Variants in GUCY1B1 observed in about 807,000 individuals in gnomAD.
The protein encoded by GUCY1B1 is guanylate cyclase 1 soluble subunit beta 1.
GUCY1B1 carries 43 observed loss-of-function variants against 71.0 expected under a neutral mutation model. That is an observed-to-expected ratio of 0.61 (90% CI 0.47 to 0.78). The LOEUF (loss-of-function observed/expected upper bound fraction) is 0.78. Ranked by LOEUF, GUCY1B1 falls within the 30% of genes least tolerant of loss-of-function variation. GUCY1B1 has a pLI of 0.00. For synonymous variants in GUCY1B1, 266 were observed against 259.7 expected (o/e 1.02, Z -0.23); for missense variants, 535 against 754.1 (o/e 0.71, Z 3.40).
At chr4:155,801,686 C>A (rs1487976375) in intron 9 of GUCY1B1, among the ~76,000 whole-genome samples, 1 of 152,184 alleles carries the variant, frequency 6.6e-6, no homozygotes, top group Admixed American at 6.5e-5. Context: ...CTGCTTCTTT[C>A]CCTCTAAATT....
Position 155,802,346 on chromosome 4 carries a change from C to T in GUCY1B1, c.1180C>T (p.Leu394=), listed in dbSNP as rs1443167071. ...TCTGCTGATCCCACTGAACAGATTG[C>T]TGTATTCTGTCCTTCCTCCGTCTGT... ...EDEKKKTDTL[L]YSVLPPSVAN... The change falls in exon 10 of 14, where the codon CTG becomes TTG. Residue 394 remains leucine (L), a synonymous_variant. Transcript: ENST00000264424. The surrounding 1 kb of genome is among the most constrained non-coding windows in gnomAD (Gnocchi z 4.3). 2 of 1,613,784 alleles carry T rather than the reference C, an allele frequency of 1.2e-6. No individual in the cohort carries two copies. Among genetic ancestry groups the T allele is most frequent in the South Asian group, 2.2e-5 (2 of 91,088 alleles).
At chr4:155,797,064 A>G (rs1328584888) in intron 8 of GUCY1B1, among the ~76,000 whole-genome samples, 1 of 152,212 alleles carries the variant, frequency 6.6e-6, no homozygotes, top group Non-Finnish European at 1.5e-5. Flanking sequence ...TCAGAGAAAA[A>G]TAAAACTATA....
chr4:155,794,364 T>G (rs1458468398), intron 6 of GUCY1B1, among the ~76,000 whole-genome samples: 2 of 152,290 alleles, frequency 1.3e-5, no homozygotes, highest in East Asian at 1.9e-4. Flanking sequence ...ATGGGTAACT[T>G]TTTAGTAACA....
intron 2 of GUCY1B1, chr4:155,772,872 T>C: frequency 1.4e-6 from 1 of 691,632 alleles, no homozygotes; most frequent in Admixed American, 2.0e-5. Context: ...AAATAAATTA[T>C]AAGCTCTGAA....
intron 5 of GUCY1B1, among the ~76,000 whole-genome samples, chr4:155,792,010 A>G (rs1386672965): frequency 6.6e-6 from 1 of 152,186 alleles, no homozygotes; most frequent in African/African-American, 2.4e-5. Context: ...ACTTAATTAT[A>G]TGGTTCACTT....
At chr4:155,793,402 T>C (rs1579241025) in intron 5 of GUCY1B1, among the ~76,000 whole-genome samples, 1 of 152,176 alleles carries the variant, frequency 6.6e-6, no homozygotes, top group East Asian at 1.9e-4. Flanking sequence ...ATGTATTTGA[T>C]AGTTGATGGT....
intron 11 of GUCY1B1, 27 bp from the exon 12 acceptor site, chr4:155,804,566 A>G: frequency 6.3e-7 from 1 of 1,576,284 alleles, no homozygotes; most frequent in Non-Finnish European, 8.6e-7. Context: ...GATCAAAATG[A>G]TTGAAGCAAA....
chr4:155,777,669 A>C (rs746090680), intron 4 of GUCY1B1, 27 bp downstream of exon 4: 1 of 1,086,928 alleles, frequency 9.2e-7, no homozygotes, highest in South Asian at 1.2e-5. Context: ...CCTATAGTTA[A>C]AAGTTCTGTG....
chr4:155,806,292 A>T, intron 13 of GUCY1B1, 94 bp from the exon 14 acceptor site: 3 of 774,356 alleles, frequency 3.9e-6, no homozygotes, highest in Non-Finnish European at 6.6e-6. Flanking sequence ...GTGAACGTGG[A>T]TCACACTCTC....
intron 6 of GUCY1B1, 81 bp from the exon 7 acceptor site, chr4:155,795,260 G>C (rs1019454036): frequency 2.5e-5 from 17 of 670,408 alleles, no homozygotes; most frequent in Non-Finnish European, 4.4e-5. Flanking sequence ...TAACTGAGCT[G>C]ATTTAATCAA....
chr4:155,777,442 A>C (rs566782888), intron 3 of GUCY1B1, 82 bp from the exon 4 acceptor site: 2 of 792,422 alleles, frequency 2.5e-6, no homozygotes, highest in African/African-American at 3.4e-5. Flanking sequence ...ACATTACTTA[A>C]TAAACACTTA....
intron 2 of GUCY1B1, among the ~76,000 whole-genome samples, chr4:155,762,229 T>A (rs1737044206): frequency 6.6e-6 from 1 of 152,156 alleles, no homozygotes; most frequent in Non-Finnish European, 1.5e-5. Flanking sequence ...TTCTGGTTCC[T>A]CCTCCCCTCC....
chr4:155,765,792 G>A (rs192516756), intron 2 of GUCY1B1, among the ~76,000 whole-genome samples: 15 of 152,014 alleles, frequency 9.9e-5, no homozygotes, highest in Admixed American at 7.2e-4. Context: ...CAGCCATACC[G>A]AGCCTTAAAT....
intron 4 of GUCY1B1, among the ~76,000 whole-genome samples, chr4:155,784,107 A>C (rs1738611984): frequency 6.6e-6 from 1 of 152,146 alleles, no homozygotes; most frequent in Admixed American, 6.5e-5. Context: ...GTTTTTCTTT[A>C]ATTAAAATAT....
rs1023526506 is a variant in GUCY1B1, at chr4:155,806,470, C to A, written c.*61C>A. ...GGTTCCAGTTTTCTCCTAACACGTG[C>A]CAAGCCCAGGAGCAGTTCTTCCCTA... is the stretch of plus-strand genomic sequence containing the variant. On this transcript the variant is annotated 3_prime_UTR_variant, in exon 14 of 14. Coordinates refer to ENST00000264424, the MANE Select transcript of GUCY1B1 (RefSeq NM_000857.5). 10 of 1,173,814 alleles carry A rather than the reference C, an allele frequency of 8.5e-6. No homozygotes were observed. The East Asian group carries it at 2.1e-4, about 25-fold the overall frequency. The allele number at this position is 1,173,814 out of a possible 1,614,324, so 72.7% of individuals were successfully genotyped here.
intron 4 of GUCY1B1, among the ~76,000 whole-genome samples, chr4:155,788,401 A>T (rs1172334573): frequency 6.6e-6 from 1 of 152,134 alleles, no homozygotes; most frequent in Non-Finnish European, 1.5e-5. Context: ...TCATACTCCC[A>T]TCTCTTTGAC....
At chr4:155,801,359 T>G (rs1423098913) in intron 9 of GUCY1B1, among the ~76,000 whole-genome samples, 2 of 152,224 alleles carry the variant, frequency 1.3e-5, no homozygotes, top group Non-Finnish European at 2.9e-5. Flanking sequence ...TTTGTAGATA[T>G]TTGGGTTTCA....
chr4:155,772,149 A>T (rs1034132541), intron 2 of GUCY1B1, among the ~76,000 whole-genome samples: 1 of 152,202 alleles, frequency 6.6e-6, no homozygotes, highest in Non-Finnish European at 1.5e-5. Flanking sequence ...GACTTTTGGT[A>T]TTAAAAAGAC....
intron 9 of GUCY1B1, among the ~76,000 whole-genome samples, chr4:155,801,686 C>G (rs1487976375): frequency 1.3e-5 from 2 of 152,184 alleles, no homozygotes; most frequent in Admixed American, 6.5e-5. Flanking sequence ...CTGCTTCTTT[C>G]CCTCTAAATT....
Sources: allele counts gnomAD v4.1 joint callset (sites outside exome capture counted in the v4.1 genomes callset), GRCh38; gene constraint gnomAD v4.1.1; non-coding constraint Gnocchi (gnomAD v3.1); transcripts MANE v1.5; gene names NCBI Gene and HGNC (gene_info 2026-07-23, HGNC 2026-07-21).